The following BNC2 variants were observed in gnomAD, a reference collection of about 807,000 sequenced individuals.
BNC2 encodes the protein basonuclin zinc finger protein 2.
Under a neutral mutation model 76.3 loss-of-function variants are expected in BNC2, and 20 were observed. The observed-to-expected ratio is 0.26, with a 90% confidence interval of 0.18 to 0.38. The LOEUF (loss-of-function observed/expected upper bound fraction) is 0.38. Ranked by LOEUF, BNC2 falls within the 10% of genes least tolerant of loss-of-function variation. BNC2 has a pLI of 1.00. For missense variants in BNC2, 1,382 were observed against 1,399.8 expected (o/e 0.99, Z 0.20); for synonymous variants, 582 against 514.8 (o/e 1.13, Z -1.77).
intron 3 of BNC2, among the ~76,000 whole-genome samples, chr9:16,642,236 TAAGGAAAAGGAGA>T (rs1821510011): frequency 6.6e-6 from 1 of 152,180 alleles, no homozygotes; most frequent in South Asian, 2.1e-4. Context: ...AGGATTTTTT[TAAGGAAAAGGAGA>T]AAGAAAACAG....
chr9:16,630,544 G>A (rs1355637609), intron 3 of BNC2, among the ~76,000 whole-genome samples: 1 of 152,126 alleles, frequency 6.6e-6, no homozygotes, highest in East Asian at 1.9e-4. Context: ...TATTGGCGAT[G>A]CTTTTACTCT....
At chr9:16,655,382 A>C (rs113651005) in intron 3 of BNC2, among the ~76,000 whole-genome samples, 41 of 152,284 alleles carry the variant, frequency 2.7e-4, no homozygotes, top group African/African-American at 9.9e-4. Flanking sequence ...TTGCCCCTAT[A>C]CACACCTGCA....
intron 5 of BNC2, among the ~76,000 whole-genome samples, chr9:16,475,821 C>T (rs995164126): frequency 3.1e-4 from 47 of 152,132 alleles, no homozygotes; most frequent in African/African-American, 1.1e-3. Flanking sequence ...CTAGCAGCAC[C>T]GATAGCCTTA....
intron 3 of BNC2, among the ~76,000 whole-genome samples, chr9:16,694,134 G>A (rs1823265110): frequency 6.6e-6 from 1 of 151,924 alleles, no homozygotes; most frequent in Admixed American, 6.6e-5. Flanking sequence ...CTTCATCAGA[G>A]GCACAAAAAT....
chr9:16,582,892 G>GAC (rs149223772), intron 4 of BNC2, 91 bp downstream of exon 4: 160,359 of 616,914 alleles, frequency 0.26, 6,632 homozygotes, highest in African/African-American at 0.35. Context: ...CCTCTAAACA[G>GAC]ACACACACAC....
At chr9:16,823,226 C>A (rs1232333873) in intron 1 of BNC2, among the ~76,000 whole-genome samples, 1 of 152,066 alleles carries the variant, frequency 6.6e-6, no homozygotes, top group Non-Finnish European at 1.5e-5. Context: ...TTCTAACCAA[C>A]AAATTCTTTT....
At chr9:16,613,300 G>A (rs918642315) in intron 3 of BNC2, among the ~76,000 whole-genome samples, 3 of 152,094 alleles carry the variant, frequency 2.0e-5, no homozygotes, top group African/African-American at 4.8e-5. Flanking sequence ...GAAGGAAAAC[G>A]TACTGTGTTA....
At chr9:16,758,485 C>G (rs1347677027) in intron 1 of BNC2, among the ~76,000 whole-genome samples, 1 of 152,078 alleles carries the variant, frequency 6.6e-6, no homozygotes, top group Non-Finnish European at 1.5e-5. Context: ...TGCACACCAC[C>G]ACACCCGGCT....
chr9:16,700,138 T>C (rs1442121094), intron 3 of BNC2, among the ~76,000 whole-genome samples: 1 of 151,986 alleles, frequency 6.6e-6, no homozygotes, highest in Non-Finnish European at 1.5e-5. Context: ...TGAAGTAGAG[T>C]CTGTAGACAC....
chr9:16,628,165 G>C (rs1420191075), intron 3 of BNC2, among the ~76,000 whole-genome samples: 1 of 152,178 alleles, frequency 6.6e-6, no homozygotes, highest in Admixed American at 6.5e-5. Context: ...TACCAGCTGT[G>C]TGACAGTCTT....
At chr9:16,674,605 T>A (rs770838301) in intron 3 of BNC2, among the ~76,000 whole-genome samples, 2 of 152,192 alleles carry the variant, frequency 1.3e-5, no homozygotes, top group Non-Finnish European at 2.9e-5. Context: ...ATGGATCTAA[T>A]CGATGTTTAT....
intron 5 of BNC2, among the ~76,000 whole-genome samples, chr9:16,506,508 CTCCTCTTTTTTTT>C (rs1388627340): frequency 2.4e-4 from 30 of 127,202 alleles, no homozygotes; most frequent in African/African-American, 9.6e-4. Flanking sequence ...CTCTCTCTCT[CTCCTCTTTTTTTT>C]TTTTTTTTTT....
At chr9:16,697,287 G>C (rs1024869303) in intron 3 of BNC2, among the ~76,000 whole-genome samples, 1 of 152,302 alleles carries the variant, frequency 6.6e-6, no homozygotes, top group East Asian at 1.9e-4. Context: ...GAACCAGGTA[G>C]TGAGCCGAGA....
chr9:16,649,223 G>A (rs1022641634), intron 3 of BNC2, among the ~76,000 whole-genome samples: 3 of 152,164 alleles, frequency 2.0e-5, no homozygotes, highest in African/African-American at 7.2e-5. Flanking sequence ...CTGCATCTTG[G>A]AGTTGCAAAG....
At chr9:16,508,355 A>G (rs553251925) in intron 5 of BNC2, among the ~76,000 whole-genome samples, 1 of 152,330 alleles carries the variant, frequency 6.6e-6, no homozygotes, top group Admixed American at 6.5e-5. Flanking sequence ...ATACTTGGGT[A>G]GACTGTATCA....
chr9:16,665,413 A>AG (rs1822248011), intron 3 of BNC2, among the ~76,000 whole-genome samples: 2 of 143,946 alleles, frequency 1.4e-5, no homozygotes, highest in East Asian at 4.0e-4. Context: ...AAAGAGAGAA[A>AG]AGAAAGGAAA....
chr9:16,676,716 C>T (rs1028260278), intron 3 of BNC2, among the ~76,000 whole-genome samples: 1 of 152,108 alleles, frequency 6.6e-6, no homozygotes, highest in Non-Finnish European at 1.5e-5. Context: ...CTAAGTTAAC[C>T]GCAGCAGCGG....
chr9:16,832,243 C>G, intron 1 of BNC2: 1 of 1,262,694 alleles, frequency 7.9e-7, no homozygotes, highest in Non-Finnish European at 1.0e-6. Context: ...TAGTTAAATA[C>G]CAGTAGAAGA....
chr9:16,547,852 A>T (rs1818535130), intron 5 of BNC2, among the ~76,000 whole-genome samples: 1 of 152,204 alleles, frequency 6.6e-6, no homozygotes, highest in Non-Finnish European at 1.5e-5. Context: ...CTACTCTTAC[A>T]GGCTCGTACC....
Sources: gnomAD v4.1 joint callset for allele counts (sites outside exome capture counted in the v4.1 genomes callset) on GRCh38, gnomAD v4.1.1 for gene constraint, MANE v1.5 for transcripts, NCBI Gene and HGNC (gene_info 2026-07-23, HGNC 2026-07-21) for gene names.